The following PIBF1 variants were observed in gnomAD, a reference collection of about 807,000 sequenced individuals.
PIBF1 encodes progesterone immunomodulatory binding factor 1, also known as progesterone-induced-blocking factor 1.
In PIBF1, 90 loss-of-function variants were observed where a neutral mutation model predicts 112.5. The ratio of observed to expected loss-of-function variants is 0.80; its 90% CI spans 0.67 to 0.95. The LOEUF (loss-of-function observed/expected upper bound fraction) is 0.95. PIBF1 is among the 40% of genes least tolerant of loss of function. The pLI, the probability that PIBF1 is intolerant of heterozygous loss-of-function variation, is 0.00. For missense variants in PIBF1, 915 were observed against 852.3 expected (o/e 1.07, Z -0.92); for synonymous variants, 301 against 288.6 (o/e 1.04, Z -0.44).
At chr13:73,002,788 A>AGCCT (rs2043912075) in intron 17 of PIBF1, among the ~76,000 whole-genome samples, 1 of 152,096 alleles carries the variant, frequency 6.6e-6, no homozygotes, top group South Asian at 2.1e-4. Context: ...GTTCGAGACC[A>AGCCT]GCCTGGCCAA....
chr13:72,907,672 A>G (rs1470257464), intron 11 of PIBF1, among the ~76,000 whole-genome samples: 3 of 152,172 alleles, frequency 2.0e-5, no homozygotes, highest in South Asian at 2.1e-4. Context: ...GCTCCAAACC[A>G]TATTCTTCAC....
At chr13:72,825,094 A>G (rs2036741205) in intron 6 of PIBF1, among the ~76,000 whole-genome samples, 1 of 152,294 alleles carries the variant, frequency 6.6e-6, no homozygotes, top group East Asian at 1.9e-4. Flanking sequence ...CTAAAACCCC[A>G]TGACATCTAG....
At chr13:73,012,996 T>C (rs79235943) in intron 17 of PIBF1, among the ~76,000 whole-genome samples, 15 of 151,074 alleles carry the variant, frequency 9.9e-5, no homozygotes, top group East Asian at 6.0e-4. Context: ...AGCTATAGCA[T>C]ATATTTAATG....
At chr13:72,819,269 G>A (rs553396461) in intron 5 of PIBF1, among the ~76,000 whole-genome samples, 3 of 152,132 alleles carry the variant, frequency 2.0e-5, no homozygotes, top group South Asian at 4.2e-4. Context: ...CTGGAAAAAA[G>A]CCTGCCTTGA....
intron 17 of PIBF1, among the ~76,000 whole-genome samples, chr13:73,013,322 A>G (rs112626146): frequency 4.7e-4 from 69 of 148,198 alleles, no homozygotes; most frequent in Middle Eastern, 3.4e-3. Flanking sequence ...AAAAAAAAAA[A>G]AAAAGAAAAT....
chr13:73,010,810 C>CTTTTTTTTTTTTTTTTTTTTTT lies in PIBF1; in HGVS notation c.2224-5050_2224-5029dup, dbSNP rs1176079981. Among the ~76,000 whole-genome samples the CTTTTTTTTTTTTTTTTTTTTTT allele has an allele frequency of 7.4e-4, 30 of 40,304 alleles. 7 individuals carry two copies. Among genetic ancestry groups the CTTTTTTTTTTTTTTTTTTTTTT allele is most frequent in the Non-Finnish European group, 1.0e-3 (23 of 22,538 alleles). 26.4% of individuals were successfully genotyped at this position (40,304 alleles called of 152,430 possible). A position where few individuals can be genotyped will look rare whatever the true frequency, so the allele number is the denominator to read the frequency against. ...CTGAGCTGGAAAATCATTAACTTTT[C>CTTTTTTTTTTTTTTTTTTTTTT]TTTTTTTTTTTTTTTTTTTTTTTTT... On this transcript the variant is annotated intron_variant, in intron 17 of 17. Transcript: ENST00000326291.
At chr13:72,932,992 A>G (rs1352641798) in intron 14 of PIBF1, among the ~76,000 whole-genome samples, 1 of 152,208 alleles carries the variant, frequency 6.6e-6, no homozygotes, top group Non-Finnish European at 1.5e-5. Flanking sequence ...AATAAAGCTC[A>G]TATGAACATT....
chr13:72,883,915 A>C (rs938600717), intron 10 of PIBF1, among the ~76,000 whole-genome samples: 4 of 152,306 alleles, frequency 2.6e-5, no homozygotes, highest in Middle Eastern at 3.4e-3. Flanking sequence ...CCCCGTCTCT[A>C]TTAAATATAC....
At chr13:72,867,026 C>T (rs936949036) in intron 10 of PIBF1, among the ~76,000 whole-genome samples, 12 of 152,276 alleles carry the variant, frequency 7.9e-5, no homozygotes, top group African/African-American at 2.9e-4. Flanking sequence ...GTGCTTCATA[C>T]AGTTATTGAT....
At chr13:72,827,622 G>T (rs1298914692) in intron 7 of PIBF1, 111 bp from the exon 8 acceptor site, 10 of 638,638 alleles carry the variant, frequency 1.6e-5, no homozygotes, top group Middle Eastern at 7.7e-4. Flanking sequence ...CTTTTTAAAA[G>T]GAAAATTTTC....
intron 13 of PIBF1, among the ~76,000 whole-genome samples, chr13:72,917,559 G>A (rs1294158548): frequency 6.6e-6 from 1 of 151,252 alleles, no homozygotes; most frequent in Non-Finnish European, 1.5e-5. Flanking sequence ...AGAGTGATTT[G>A]GAATTAATGC....
rs141595012 is a variant in PIBF1, at chr13:72,845,893, C to T, written c.1224-8164C>T. 6.2e-4 allele frequency among the ~76,000 whole-genome samples: 94 copies of T among 152,274 alleles called. 2 individuals are homozygous for T. Among genetic ancestry groups the T allele is most frequent in the African/African-American group, 2.1e-3 (89 of 41,556 alleles). ...GTTTTTATACCAAAGCCCCTAAGAC[C>T]TTCATGTTGCCCAAATCCAGTAGTC... On this transcript the variant is annotated intron_variant, in intron 9 of 17. Transcript: ENST00000326291.
At chr13:72,853,231 C>T (rs1398033431) in intron 9 of PIBF1, among the ~76,000 whole-genome samples, 1 of 151,970 alleles carries the variant, frequency 6.6e-6, no homozygotes, top group Non-Finnish European at 1.5e-5. Context: ...TTAACTGACA[C>T]TAAATGTATT....
chr13:72,961,544 A>G (rs1237089993), intron 14 of PIBF1, among the ~76,000 whole-genome samples: 1 of 152,204 alleles, frequency 6.6e-6, no homozygotes, highest in African/African-American at 2.4e-5. Context: ...AAAAGAATGG[A>G]AAAATGTTTA....
intron 13 of PIBF1, among the ~76,000 whole-genome samples, chr13:72,917,811 C>T (rs2041153845): frequency 6.6e-6 from 1 of 152,138 alleles, no homozygotes; most frequent in Admixed American, 6.5e-5. Context: ...CAGTTATTCA[C>T]ATAGCATTTA....
chr13:73,015,960 T>G lies in PIBF1; in HGVS notation c.*41T>G. 1 of 1,272,478 alleles carries G rather than the reference T, an allele frequency of 7.9e-7. No homozygotes were observed. The highest frequency in any genetic ancestry group is 1.1e-6 in the Non-Finnish European group (1 of 934,148). The allele number at this position is 1,272,478 out of a possible 1,614,324, so 78.8% of individuals were successfully genotyped here. ...GCACCTGTAGACCATTATATACTCC[T>G]GAAGTTCTTTTTCTGATGGAAAACA... On this transcript the variant is annotated 3_prime_UTR_variant, in exon 18 of 18. Coordinates refer to ENST00000326291, the MANE Select transcript of PIBF1 (RefSeq NM_006346.4).
At chr13:72,842,268 A>G (rs1043263958) in intron 9 of PIBF1, among the ~76,000 whole-genome samples, 2 of 152,184 alleles carry the variant, frequency 1.3e-5, no homozygotes, top group Admixed American at 1.3e-4. Flanking sequence ...ACACAGAGCT[A>G]TTCTGAGTGG....
chr13:72,918,614 C>T (rs920955176), intron 13 of PIBF1, among the ~76,000 whole-genome samples: 2 of 151,948 alleles, frequency 1.3e-5, no homozygotes, highest in African/African-American at 4.8e-5. Context: ...TCTTGAACTC[C>T]TGGCCTTGGC....
chr13:72,839,266 C>T (rs547147303), intron 9 of PIBF1, among the ~76,000 whole-genome samples: 16 of 152,122 alleles, frequency 1.1e-4, no homozygotes, highest in East Asian at 3.9e-4. Flanking sequence ...GAGACAGAGC[C>T]GACAGGACTC....
Sources: allele counts gnomAD v4.1 joint callset (sites outside exome capture counted in the v4.1 genomes callset), GRCh38; gene constraint gnomAD v4.1.1; transcripts MANE v1.5; gene names NCBI Gene and HGNC (gene_info 2026-07-23, HGNC 2026-07-21).